The following CAST variants were observed in gnomAD, a reference collection of about 807,000 sequenced individuals.
CAST encodes the protein calpastatin, also known as MIR583 host.
A neutral mutation model predicts 119.6 loss-of-function variants in CAST; 76 were observed. The ratio of observed to expected loss-of-function variants is 0.64; its 90% CI spans 0.53 to 0.77. CAST has a LOEUF of 0.77. Ranked by LOEUF, CAST falls within the 30% of genes least tolerant of loss-of-function variation. The probability of loss-of-function intolerance (pLI) is 0.00; values close to 1 mark genes in which losing one functional copy is unlikely to be tolerated. For missense variants in CAST, 953 were observed against 946.5 expected (o/e 1.01, Z -0.09); for synonymous variants, 319 against 331.6 (o/e 0.96, Z 0.41).
chr5:95,965,408 T>C, the CAST span, among the ~76,000 whole-genome samples: 2 of 152,380 alleles, frequency 1.3e-5, no homozygotes. Flanking sequence ...TGACTGCCAA[T>C]GCAGAAGGGC....
At chr5:96,372,462 T>A in the CAST span, among the ~76,000 whole-genome samples, 1 of 152,082 alleles carries the variant, frequency 6.6e-6, no homozygotes, top group Non-Finnish European at 1.5e-5. Flanking sequence ...GGAGGAGGAC[T>A]TTGGAAATTT....
chr5:96,478,729 G>T, the CAST span, among the ~76,000 whole-genome samples: 2 of 152,220 alleles, frequency 1.3e-5, no homozygotes, highest in Non-Finnish European at 2.9e-5. Context: ...CTAATGAGAA[G>T]TATTTACCAC....
At chr5:96,683,099 G>A (rs1475905414) in intron 2 of CAST, among the ~76,000 whole-genome samples, 1 of 152,180 alleles carries the variant, frequency 6.6e-6, no homozygotes, top group African/African-American at 2.4e-5. Flanking sequence ...AAGATAGGTT[G>A]CCTCATGAAG....
chr5:96,188,065 T>G, the CAST span, among the ~76,000 whole-genome samples: 1 of 152,206 alleles, frequency 6.6e-6, no homozygotes, highest in African/African-American at 2.4e-5. Flanking sequence ...CCACAGAACC[T>G]GGATATGGGT....
At chr5:96,007,134 T>G in the CAST span, among the ~76,000 whole-genome samples, 1 of 152,236 alleles carries the variant, frequency 6.6e-6, no homozygotes, top group Non-Finnish European at 1.5e-5. Flanking sequence ...ACCAGTTTGC[T>G]TCCATTAAGT....
chr5:96,347,278 A>G, the CAST span, among the ~76,000 whole-genome samples: 9 of 152,138 alleles, frequency 5.9e-5, no homozygotes, highest in Non-Finnish European at 1.2e-4. Context: ...CAGTTTGCCC[A>G]TTCCTATGGG....
chr5:96,325,252 A>ATG, the CAST span, among the ~76,000 whole-genome samples: 8 of 152,090 alleles, frequency 5.3e-5, no homozygotes, highest in African/African-American at 1.9e-4. Flanking sequence ...CTAAAGCTGA[A>ATG]GACTAGAATC....
intron 1 of CAST, among the ~76,000 whole-genome samples, chr5:96,628,928 C>T (rs866904546): frequency 1.3e-5 from 2 of 152,196 alleles, no homozygotes; most frequent in African/African-American, 4.8e-5. Context: ...CACATACTTG[C>T]TGTGGTTTGA....
At chr5:96,743,706 G>T in intron 16 of CAST, 1 of 1,610,570 alleles carries the variant, frequency 6.2e-7, no homozygotes. Flanking sequence ...GACGGTGAAC[G>T]CAGAGGAGCA....
the CAST span, among the ~76,000 whole-genome samples, chr5:96,158,481 A>G: frequency 6.6e-6 from 1 of 152,170 alleles, no homozygotes; most frequent in South Asian, 2.1e-4. Flanking sequence ...TACTCACTAG[A>G]TAATATATTT....
At chr5:96,406,991 A>AG in the CAST span, among the ~76,000 whole-genome samples, 1 of 152,214 alleles carries the variant, frequency 6.6e-6, no homozygotes, top group East Asian at 1.9e-4. Context: ...GGTAATTATG[A>AG]GAAAAAAAAA....
At chr5:96,695,447 G>C (rs1294329106) in intron 2 of CAST, among the ~76,000 whole-genome samples, 1 of 152,028 alleles carries the variant, frequency 6.6e-6, no homozygotes, top group Non-Finnish European at 1.5e-5. Flanking sequence ...ATTTCCCTAA[G>C]ATACATTTTT....
At chr5:96,555,377 T>A (rs958606333) in intron 1 of CAST, among the ~76,000 whole-genome samples, 2 of 151,918 alleles carry the variant, frequency 1.3e-5, no homozygotes, top group African/African-American at 4.8e-5. Flanking sequence ...AGACAGTGGG[T>A]GCAGGACAGT....
At chr5:96,452,635 T>TATA in the CAST span, among the ~76,000 whole-genome samples, 198 of 48,560 alleles carry the variant, frequency 4.1e-3, 2 homozygotes, top group African/African-American at 0.025. Context: ...GAACTTAAAG[T>TATA]ATAATAAAAA....
At chr5:96,374,841 G>A in the CAST span, among the ~76,000 whole-genome samples, 1 of 152,156 alleles carries the variant, frequency 6.6e-6, no homozygotes, top group Non-Finnish European at 1.5e-5. Context: ...GGTTCTTCTG[G>A]GGTTGTGGCG....
the CAST span, chr5:96,425,804 T>A: frequency 7.3e-6 from 10 of 1,361,504 alleles, no homozygotes; most frequent in Non-Finnish European, 1.1e-5. Flanking sequence ...CACATAGTCC[T>A]TCTGTAGGTA....
chr5:96,198,437 C>T, the CAST span, among the ~76,000 whole-genome samples: 1,073 of 152,190 alleles, frequency 7.1e-3, 11 homozygotes, highest in African/African-American at 0.025. Flanking sequence ...TGGATACTTA[C>T]ATTGTTTCTG....
intron 3 of CAST, among the ~76,000 whole-genome samples, chr5:96,700,922 G>A (rs901877330): frequency 2.0e-5 from 3 of 151,804 alleles, no homozygotes; most frequent in African/African-American, 4.8e-5. Context: ...GAAGAATCTT[G>A]CGAAAAAAAT....
the CAST span, among the ~76,000 whole-genome samples, chr5:96,493,130 C>T: frequency 6.6e-6 from 1 of 152,144 alleles, no homozygotes; most frequent in East Asian, 1.9e-4. Context: ...TTATAAGTCA[C>T]TGATTTATTT....
Sources: gnomAD v4.1 joint callset for allele counts (sites outside exome capture counted in the v4.1 genomes callset) on GRCh38, gnomAD v4.1.1 for gene constraint, MANE v1.5 for transcripts, NCBI Gene and HGNC (gene_info 2026-07-23, HGNC 2026-07-21) for gene names.